The following NCK2 variants were observed in gnomAD, a reference collection of about 807,000 sequenced individuals.
NCK2 encodes the protein cytoplasmic protein NCK2.
In NCK2, 16 loss-of-function variants were observed where a neutral mutation model predicts 33.9. The ratio of observed to expected loss-of-function variants is 0.47; its 90% CI spans 0.32 to 0.72. The LOEUF (loss-of-function observed/expected upper bound fraction) is 0.72, where lower values mean the gene tolerates loss of function less well. Ranked by LOEUF, NCK2 falls within the 30% of genes least tolerant of loss-of-function variation. The pLI, the probability that NCK2 is intolerant of heterozygous loss-of-function variation, is 0.03. For synonymous variants in NCK2, 273 were observed against 239.9 expected (o/e 1.14, Z -1.27); for missense variants, 418 against 537.3 (o/e 0.78, Z 2.19).
At chr2:105,815,477 G>A (rs996555611) in intron 1 of NCK2, among the ~76,000 whole-genome samples, 1 of 152,170 alleles carries the variant, frequency 6.6e-6, no homozygotes, top group Admixed American at 6.5e-5. Flanking sequence ...GGTTTGAAAT[G>A]TAATTAAAAA....
chr2:105,812,516 G>GCCGCCT (rs1297370104), intron 1 of NCK2, among the ~76,000 whole-genome samples: 1 of 152,232 alleles, frequency 6.6e-6, no homozygotes, highest in East Asian at 1.9e-4. Context: ...GGCTGGCACT[G>GCCGCCT]CCGCCTCCGT....
intron 1 of NCK2, among the ~76,000 whole-genome samples, chr2:105,768,721 T>C (rs1690028127): frequency 6.6e-6 from 1 of 152,210 alleles, no homozygotes; most frequent in African/African-American, 2.4e-5. Context: ...TAGTGTATTT[T>C]ATGTATGGCC....
chr2:105,777,634 A>G (rs1185738006), intron 1 of NCK2, among the ~76,000 whole-genome samples: 3 of 152,208 alleles, frequency 2.0e-5, no homozygotes, highest in Non-Finnish European at 4.4e-5. Context: ...CTTCAGTTGC[A>G]GCTGTTCTCC....
At chr2:105,865,992 G>A (rs925229325) in intron 3 of NCK2, among the ~76,000 whole-genome samples, 2 of 151,932 alleles carry the variant, frequency 1.3e-5, no homozygotes, top group East Asian at 1.9e-4. Context: ...TTGGCTCACC[G>A]CAACCTCCGC....
At position 105,858,117 on chromosome 2, in the gene NCK2, GTGA is replaced by G. The variant is rs149216913; in HGVS notation, c.226+2833_226+2835del. 1.1e-3 allele frequency among the ~76,000 whole-genome samples: 170 copies of G among 150,736 alleles called. 1 individual carries two copies. The highest frequency in any genetic ancestry group is 4.1e-3 in the African/African-American group (167 of 41,018). ...TGTTCATGGCTTCCTATTACTGTTG[GTGA>G]TGATAATTAAACAGGTATACCATCA... On this transcript the variant is annotated intron_variant, in intron 3 of 4. Coordinates refer to ENST00000233154, the MANE Select transcript of NCK2 (RefSeq NM_003581.5).
At chr2:105,759,217 C>G (rs1689685834) in intron 1 of NCK2, among the ~76,000 whole-genome samples, 1 of 152,112 alleles carries the variant, frequency 6.6e-6, no homozygotes, top group Non-Finnish European at 1.5e-5. Flanking sequence ...TTCAAGGGAG[C>G]AAGATTTTTT....
intron 2 of NCK2, among the ~76,000 whole-genome samples, chr2:105,834,679 T>C (rs1321101402): frequency 6.6e-6 from 1 of 152,126 alleles, no homozygotes; most frequent in Non-Finnish European, 1.5e-5. Flanking sequence ...ATTTTTTTAT[T>C]TTTTTAGAGA....
intron 2 of NCK2, among the ~76,000 whole-genome samples, chr2:105,820,702 G>A (rs1431652640): frequency 1.3e-5 from 2 of 152,204 alleles, no homozygotes; most frequent in Non-Finnish European, 2.9e-5. Context: ...GTAATTGATT[G>A]TTGGAGGCTG....
chr2:105,880,340 G>A (rs1275512342), intron 3 of NCK2, among the ~76,000 whole-genome samples: 2 of 152,192 alleles, frequency 1.3e-5, no homozygotes, highest in Admixed American at 6.5e-5. Flanking sequence ...ATTTGCCTTC[G>A]ATTGAAGGTA....
At chr2:105,889,751 T>C (rs1421861970) in intron 4 of NCK2, among the ~76,000 whole-genome samples, 1 of 152,010 alleles carries the variant, frequency 6.6e-6, no homozygotes, top group Non-Finnish European at 1.5e-5. Flanking sequence ...ACCTGGCTAA[T>C]TATTTTAAAT....
At chr2:105,851,159 G>C (rs529060007) in intron 2 of NCK2, among the ~76,000 whole-genome samples, 1 of 152,310 alleles carries the variant, frequency 6.6e-6, no homozygotes, top group South Asian at 2.1e-4. Flanking sequence ...AGCCATTGTT[G>C]TATCAGTGCA....
At chr2:105,754,089 T>C (rs1689535435) in intron 1 of NCK2, among the ~76,000 whole-genome samples, 1 of 152,212 alleles carries the variant, frequency 6.6e-6, no homozygotes, top group African/African-American at 2.4e-5. Flanking sequence ...ACGGTGAGTC[T>C]GGCGTCTCTG....
At chr2:105,825,223 G>A (rs1054469042) in intron 2 of NCK2, among the ~76,000 whole-genome samples, 5 of 152,134 alleles carry the variant, frequency 3.3e-5, no homozygotes, top group African/African-American at 9.7e-5. Context: ...CACTAATCTC[G>A]AGTGGGCAGA....
At chr2:105,880,532 G>GC (rs1332953747) in intron 3 of NCK2, among the ~76,000 whole-genome samples, 2 of 152,178 alleles carry the variant, frequency 1.3e-5, no homozygotes, top group African/African-American at 4.8e-5. Flanking sequence ...AGTGGAGGAG[G>GC]CAGCGGCAAG....
At chr2:105,848,722 A>G (rs1676943042) in intron 2 of NCK2, 1 of 152,172 alleles carries the variant, frequency 6.6e-6, no homozygotes, top group African/African-American at 2.4e-5. Flanking sequence ...AAATATTGAA[A>G]CAAGCCCCTT....
At position 105,893,101 on chromosome 2, in the gene NCK2, G is replaced by A. The variant is rs369955878; in HGVS notation, c.1068G>A (p.Val356=). 74 of 1,613,792 alleles carry A rather than the reference G, an allele frequency of 4.6e-5. No individual in the cohort carries two copies. Among genetic ancestry groups the A allele is most frequent in the Admixed American group, 3.3e-5 (2 of 59,958 alleles). The change falls in exon 5 of 5, where the codon GTG becomes GTA. Residue 356 remains valine (V), a synonymous_variant. Coordinates refer to ENST00000233154, the MANE Select transcript of NCK2 (RefSeq NM_003581.5). The stretch of plus-strand genomic sequence containing the variant: ...GCTTCCACACCATGGACGAGCTGGT[G>A]GAACACTACAAAAAGGCGCCCATCT... ...QRRFHTMDEL[V]EHYKKAPIFT...
chr2:105,795,875 C>G (rs1202174390), intron 1 of NCK2, among the ~76,000 whole-genome samples: 3 of 152,190 alleles, frequency 2.0e-5, no homozygotes, highest in Non-Finnish European at 4.4e-5. Flanking sequence ...ACCCTCCCCC[C>G]AGTCTTTTTC....
intron 2 of NCK2, among the ~76,000 whole-genome samples, chr2:105,839,348 G>C (rs1206045518): frequency 6.6e-6 from 1 of 152,170 alleles, no homozygotes; most frequent in East Asian, 1.9e-4. Flanking sequence ...AGAACAGAGA[G>C]ACTGGTAGAC....
rs569250884 is a variant in NCK2, at chr2:105,881,448, C to G, written c.347C>G (p.Ala116Gly). 3 of 1,613,586 alleles carry G rather than the reference C, an allele frequency of 1.9e-6. No individual in the cohort carries two copies. Among genetic ancestry groups the G allele is most frequent in the Non-Finnish European group, 2.5e-6 (3 of 1,180,000 alleles). Residue 116 changes from alanine to glycine, a missense_variant, in exon 4 of 5, where the codon GCC (alanine) becomes GGC (glycine). Physicochemically the swap from Ala to Gly is moderately conservative, Grantham distance 60. Transcript: ENST00000233154. ...ADRIYDLNIP[A>G]FVKFAYVAER... ...CGCATCTACGACCTCAACATCCCGG[C>G]CTTCGTCAAGTTCGCCTATGTGGCC...
Sources: gnomAD v4.1 joint callset for allele counts (sites outside exome capture counted in the v4.1 genomes callset) on GRCh38, gnomAD v4.1.1 for gene constraint, MANE v1.5 for transcripts, NCBI Gene and HGNC (gene_info 2026-07-23, HGNC 2026-07-21) for gene names.